The following SYNPR variants were observed in gnomAD, a reference collection of about 807,000 sequenced individuals.
SYNPR encodes the protein synaptoporin.
A neutral mutation model predicts 32.9 loss-of-function variants in SYNPR; 23 were observed. The ratio of observed to expected loss-of-function variants is 0.70; its 90% CI spans 0.50 to 0.99. SYNPR has a LOEUF of 0.99. Among genes scored for constraint, SYNPR ranks in the 50% least tolerant of loss-of-function variants. SYNPR has a pLI of 0.00. For synonymous variants in SYNPR, 146 were observed against 135.9 expected (o/e 1.07, Z -0.52); for missense variants, 318 against 349.3 (o/e 0.91, Z 0.71).
rs117542003 is a variant in SYNPR, at chr3:63,615,109, A to T, written c.601-115A>T. 2.2e-3 allele frequency: 2,763 copies of T among 1,272,156 alleles called. 88 individuals are homozygous for T. The East Asian group carries it at 0.061, about 28-fold the overall frequency. The allele number at this position is 1,272,156 out of a possible 1,614,324, so 78.8% of individuals were successfully genotyped here. A position where few individuals can be genotyped will look rare whatever the true frequency, so the allele number is the denominator to read the frequency against. ...TTCCAAATGGAAAACTTGGAAGCGG[A>T]CTCAACATTAAAGTGAAAAGTGATC... is the stretch of plus-strand genomic sequence containing the variant. On this transcript the variant is annotated intron_variant, in intron 5 of 5. Transcript: ENST00000478300.
chr3:63,224,683 AT>A (rs2086115747), upstream of SYNPR, among the ~76,000 whole-genome samples: 1 of 152,202 alleles, frequency 6.6e-6, no homozygotes, highest in Non-Finnish European at 1.5e-5. Flanking sequence ...CTTGAAAATT[AT>A]GCAGAGGAGT....
At chr3:63,254,699 T>C (rs1297758570) in intron 2 of SYNPR, among the ~76,000 whole-genome samples, 1 of 152,210 alleles carries the variant, frequency 6.6e-6, no homozygotes, top group Non-Finnish European at 1.5e-5. Context: ...CTTGGTACTA[T>C]GGGCCGAATT....
intron 2 of SYNPR, among the ~76,000 whole-genome samples, chr3:63,328,290 C>G (rs945001901): frequency 7.9e-5 from 12 of 152,158 alleles, no homozygotes; most frequent in Non-Finnish European, 1.6e-4. Context: ...AGCCTCATCT[C>G]CCTTTCTGGG....
chr3:63,398,853 G>C (rs1002370597), intron 2 of SYNPR, among the ~76,000 whole-genome samples: 1 of 152,212 alleles, frequency 6.6e-6, no homozygotes, highest in Non-Finnish European at 1.5e-5. Flanking sequence ...GGTGAACTGG[G>C]AAGAAGGTAA....
At chr3:63,605,836 T>A (rs940665869) in intron 4 of SYNPR, among the ~76,000 whole-genome samples, 3 of 152,176 alleles carry the variant, frequency 2.0e-5, no homozygotes, top group African/African-American at 7.2e-5. Context: ...ATGCTCTTGG[T>A]GAGTCTGAGC....
intron 1 of SYNPR, among the ~76,000 whole-genome samples, chr3:63,230,229 C>T (rs1434209094): frequency 1.3e-5 from 2 of 152,134 alleles, no homozygotes; most frequent in African/African-American, 4.8e-5. Flanking sequence ...TGAAATAACA[C>T]TTTTGTCTCT....
rs1222256432 is a variant in SYNPR at position 63,582,512 on chromosome 3, G to A, written c.408+25771G>A. The stretch of plus-strand genomic sequence containing the variant: ...TATTGGACTTTTGTCTGATAATGTT[G>A]GTCTTGATCCGCTGATATTCAGCTC... On this transcript the variant is annotated intron_variant, in intron 4 of 5. Coordinates refer to ENST00000478300, the MANE Select transcript of SYNPR (RefSeq NM_001130003.2). Among the ~76,000 whole-genome samples the A allele has an allele frequency of 3.3e-5, 5 of 151,950 alleles. No homozygotes were observed. In the East Asian group the frequency reaches 9.7e-4, roughly 29 times the overall value.
chr3:63,321,590 T>C (rs1337226317), intron 2 of SYNPR, among the ~76,000 whole-genome samples: 1 of 152,116 alleles, frequency 6.6e-6, no homozygotes, highest in Admixed American at 6.6e-5. Flanking sequence ...AAATGGAGTC[T>C]GTACTTTATT....
At chr3:63,354,688 A>C (rs1218721927) in intron 2 of SYNPR, among the ~76,000 whole-genome samples, 1 of 152,202 alleles carries the variant, frequency 6.6e-6, no homozygotes, top group Non-Finnish European at 1.5e-5. Flanking sequence ...TGTTCTTACA[A>C]AGACGCCTGA....
At chr3:63,531,964 AG>A (rs1452450177) in intron 3 of SYNPR, among the ~76,000 whole-genome samples, 1 of 152,160 alleles carries the variant, frequency 6.6e-6, no homozygotes, top group African/African-American at 2.4e-5. Flanking sequence ...TGGGACTGTA[AG>A]TCTACCAGGT....
intron 2 of SYNPR, among the ~76,000 whole-genome samples, chr3:63,332,675 A>G (rs2087242556): frequency 6.6e-6 from 1 of 152,286 alleles, no homozygotes; most frequent in Admixed American, 6.5e-5. Context: ...CAACCCTGGA[A>G]TATAGGTTCC....
intron 1 of SYNPR, among the ~76,000 whole-genome samples, chr3:63,232,272 GC>G (rs1575571141): frequency 7.4e-6 from 1 of 134,268 alleles, no homozygotes. Context: ...CGTGATCTTG[GC>G]TCACTGCAAC....
At position 63,514,494 on chromosome 3, in the gene SYNPR, G is replaced by T. The variant is rs550516814; in HGVS notation, c.209+33538G>T. On this transcript the variant is annotated intron_variant, in intron 3 of 5. Transcript: ENST00000478300. ...CTTCAGCAGTTGGCTCCCACCATTT[G>T]CTTTCCTGGGTTTCTCTCCCGTCAT... 2.2e-4 allele frequency among the ~76,000 whole-genome samples: 34 copies of T among 152,264 alleles called. No homozygotes were observed. In the South Asian group the frequency reaches 6.6e-3, roughly 30 times the overall value.
chr3:63,450,337 C>G lies in SYNPR; in HGVS notation c.85-30495C>G, dbSNP rs781046245. ...AGATAACACCTTCAAACTATCTGAT[C>G]TCTTGCTGGTGACTCTACACCATTA... On this transcript the variant is annotated intron_variant, in intron 2 of 5. Coordinates refer to ENST00000478300, the MANE Select transcript of SYNPR (RefSeq NM_001130003.2). Among the ~76,000 whole-genome samples the G allele has an allele frequency of 2.0e-5, 3 of 152,154 alleles. No homozygotes were observed. The East Asian group carries it at 5.8e-4, about 29-fold the overall frequency.
At chr3:63,430,425 G>C (rs2107144441) in intron 2 of SYNPR, among the ~76,000 whole-genome samples, 1 of 151,610 alleles carries the variant, frequency 6.6e-6, no homozygotes, top group East Asian at 1.9e-4. Flanking sequence ...TTGTGTTCTT[G>C]TTTGGAAGAT....
At chr3:63,416,093 C>G (rs1334366905) in intron 2 of SYNPR, among the ~76,000 whole-genome samples, 2 of 152,234 alleles carry the variant, frequency 1.3e-5, no homozygotes, top group Admixed American at 1.3e-4. Flanking sequence ...GACTGAGACT[C>G]TTCTGTTGAA....
chr3:63,536,334 T>C (rs1702208044), intron 3 of SYNPR, among the ~76,000 whole-genome samples: 1 of 152,048 alleles, frequency 6.6e-6, no homozygotes, highest in Non-Finnish European at 1.5e-5. Context: ...TCCAAGAAGA[T>C]ATACAAATAG....
At chr3:63,352,174 C>T (rs932886286) in intron 2 of SYNPR, among the ~76,000 whole-genome samples, 5 of 151,952 alleles carry the variant, frequency 3.3e-5, no homozygotes, top group East Asian at 3.9e-4. Flanking sequence ...ATAGGAAATG[C>T]GGCCAAAGAG....
intron 2 of SYNPR, among the ~76,000 whole-genome samples, chr3:63,446,560 G>GAA (rs1700280825): frequency 6.6e-6 from 1 of 152,070 alleles, no homozygotes; most frequent in Non-Finnish European, 1.5e-5. Context: ...GAATCAATAA[G>GAA]GTTGAAATTT....
Sources: allele counts gnomAD v4.1 joint callset (sites outside exome capture counted in the v4.1 genomes callset), GRCh38; gene constraint gnomAD v4.1.1; transcripts MANE v1.5; gene names NCBI Gene and HGNC (gene_info 2026-07-23, HGNC 2026-07-21).